Variants in ACSM1 observed in about 807,000 individuals in gnomAD.
The protein encoded by ACSM1 is acyl-coenzyme A synthetase ACSM1, mitochondrial.
Under a neutral mutation model 75.8 loss-of-function variants are expected in ACSM1, and 79 were observed. The ratio of observed to expected loss-of-function variants is 1.04; its 90% CI spans 0.87 to 1.26. The LOEUF is 1.26. Among genes scored for constraint, ACSM1 ranks in the 50% most tolerant of loss-of-function variants. The pLI, the probability that ACSM1 is intolerant of heterozygous loss-of-function variation, is 0.00. For missense variants in ACSM1, 676 were observed against 720.1 expected (o/e 0.94, Z 0.70); for synonymous variants, 279 against 265.8 (o/e 1.05, Z -0.48).
chr16:20,663,593 G>A (rs2019405752), intron 6 of ACSM1, among the ~76,000 whole-genome samples: 1 of 152,170 alleles, frequency 6.6e-6, no homozygotes, highest in Admixed American at 6.5e-5. Flanking sequence ...ATCTGGGAAG[G>A]GGGAATGTCG....
At chr16:20,689,092 A>G (rs915837985) in intron 2 of ACSM1, among the ~76,000 whole-genome samples, 1 of 150,700 alleles carries the variant, frequency 6.6e-6, no homozygotes, top group Non-Finnish European at 1.5e-5. Flanking sequence ...TGACATCAAT[A>G]ACATAAAGTG....
At position 20,691,253 on chromosome 16, in the gene ACSM1, G is replaced by T. The variant is rs900825084; in HGVS notation, c.-51-14C>A. On this transcript the variant is annotated splice_polypyrimidine_tract_variant and intron_variant, in intron 1 of 13. Coordinates refer to ENST00000520010, the MANE Select transcript of ACSM1 (RefSeq NM_001318890.3). ...GTCACCACCTGCCTTGGGAAGAGAT[G>T]GCTAATAGATTGGCTGTGTATCCAA... The T allele has an allele frequency of 7.4e-5, 100 of 1,357,540 alleles. No homozygotes were observed. The highest frequency in any genetic ancestry group is 9.8e-5 in the Non-Finnish European group (99 of 1,011,084). The allele number at this position is 1,357,540 out of a possible 1,614,324, so 84.1% of individuals were successfully genotyped here.
chr16:20,638,883 G>C (rs1303429672), intron 8 of ACSM1, among the ~76,000 whole-genome samples: 1 of 152,156 alleles, frequency 6.6e-6, no homozygotes, highest in Non-Finnish European at 1.5e-5. Context: ...TGGAGTCGTG[G>C]GTGGAGTGTG....
At chr16:20,628,921 G>A (rs371758769) in intron 10 of ACSM1, among the ~76,000 whole-genome samples, 1 of 152,082 alleles carries the variant, frequency 6.6e-6, no homozygotes, top group East Asian at 1.9e-4. Context: ...TGACCCCTAA[G>A]CAATAGCTCT....
rs373819953 is a variant in ACSM1, at chr16:20,625,541, T to C, written c.1428-19A>G. 7.3e-5 allele frequency: 117 copies of C among 1,608,896 alleles called. No homozygotes were observed. Among genetic ancestry groups the C allele is most frequent in the Non-Finnish European group, 9.6e-5 (113 of 1,176,450 alleles). On this transcript the variant is annotated intron_variant, in intron 11 of 13. Transcript: ENST00000520010. ...GCGATACCTGGAGGATGAAGGGTTC[T>C]GAGGCAGATGCCAGGGCTGGGGTGA...
At chr16:20,647,191 G>A (rs2018414387) in intron 7 of ACSM1, among the ~76,000 whole-genome samples, 1 of 152,190 alleles carries the variant, frequency 6.6e-6, no homozygotes, top group Admixed American at 6.5e-5. Flanking sequence ...TTTTGCAGGA[G>A]ATAAATGAAC....
At chr16:20,663,032 A>C (rs1271680817) in intron 6 of ACSM1, among the ~76,000 whole-genome samples, 1 of 152,112 alleles carries the variant, frequency 6.6e-6, no homozygotes, top group Admixed American at 6.6e-5. Context: ...GTCTTGGAAC[A>C]TGTCCTGGGT....
intron 1 of ACSM1, among the ~76,000 whole-genome samples, chr16:20,691,919 A>G (rs2079658163): frequency 6.6e-6 from 1 of 152,008 alleles, no homozygotes; most frequent in Non-Finnish European, 1.5e-5. Context: ...TACAGGCGAG[A>G]ATGAAACTGA....
intron 6 of ACSM1, among the ~76,000 whole-genome samples, chr16:20,669,351 C>G (rs946392486): frequency 6.6e-6 from 1 of 151,592 alleles, no homozygotes; most frequent in African/African-American, 2.4e-5. Context: ...TGGTATGTAA[C>G]CTGCTAGTTA....
chr16:20,671,374 C>T (rs1004499135), intron 5 of ACSM1, among the ~76,000 whole-genome samples, 157 bp downstream of exon 5: 13 of 151,678 alleles, frequency 8.6e-5, no homozygotes, highest in Non-Finnish European at 1.9e-4. Context: ...CCTGAGAGGT[C>T]TGAACAAAAG....
Position 20,623,544 on chromosome 16 carries a change from GT to G in ACSM1, c.1675del (p.Thr559ProfsTer23), listed in dbSNP as rs1316684476. 5 of 1,614,000 alleles carry G rather than the reference GT, an allele frequency of 3.1e-6. No individual in the cohort carries two copies. Among genetic ancestry groups the G allele is most frequent in the South Asian group, 1.1e-5 (1 of 91,080 alleles). On this transcript the variant is annotated frameshift_variant, in exon 14 of 14. Coordinates refer to ENST00000520010, the MANE Select transcript of ACSM1 (RefSeq NM_001318890.3). LOFTEE classifies it high-confidence loss of function. ...CTTCCGTTCAATCTTGCCAGTGATGGTTTTTGGCAGCTCTGAGACAAACTCC... is the reference window on the plus strand; with the variant it reads ...CTTCCGTTCAATCTTGCCAGTGATGGTTTTGGCAGCTCTGAGACAAACTCC... ...KVEFVSELPK[T>X]ITGKIERKEL...
rs966887744 is a variant in ACSM1 at position 20,652,360 on chromosome 16, G to T, written c.992+9434C>A. Among the ~76,000 whole-genome samples the T allele has an allele frequency of 4.0e-5, 6 of 151,654 alleles. No individual in the cohort carries two copies. The East Asian group carries it at 1.2e-3, about 29-fold the overall frequency. On this transcript the variant is annotated intron_variant, in intron 7 of 13. Transcript: ENST00000520010. Reference sequence around the variant, plus strand: ...TGTCTAATTAAAACCTTATTTAAGGGTTATATATGAAACAAGGGAAACCAG... The same window carrying T: ...TGTCTAATTAAAACCTTATTTAAGGTTTATATATGAAACAAGGGAAACCAG...
chr16:20,638,083 C>T (rs775077683), intron 8 of ACSM1, among the ~76,000 whole-genome samples: 104 of 152,186 alleles, frequency 6.8e-4, no homozygotes, highest in Non-Finnish European at 1.2e-3. Context: ...CTTGATTCCT[C>T]CTTTATTGTT....
chr16:20,696,615 T>A (rs1249540938), intron 1 of ACSM1, among the ~76,000 whole-genome samples: 4 of 152,358 alleles, frequency 2.6e-5, no homozygotes, highest in Non-Finnish European at 5.9e-5. Flanking sequence ...TTAGAGCATA[T>A]CATTAAAGCA....
intron 1 of ACSM1, among the ~76,000 whole-genome samples, chr16:20,695,136 G>C (rs770424408): frequency 2.6e-5 from 4 of 152,178 alleles, no homozygotes; most frequent in African/African-American, 9.7e-5. Flanking sequence ...CGTCACATGA[G>C]AGGGCCAAAC....
chr16:20,689,136 G>A (rs1018274793), intron 2 of ACSM1, among the ~76,000 whole-genome samples: 5 of 151,278 alleles, frequency 3.3e-5, no homozygotes, highest in Admixed American at 3.3e-4. Flanking sequence ...AACTGTAAAG[G>A]GGAAGGATTT....
chr16:20,640,260 C>G (rs528930159), intron 8 of ACSM1, among the ~76,000 whole-genome samples: 18 of 152,334 alleles, frequency 1.2e-4, no homozygotes, highest in Non-Finnish European at 1.9e-4. Flanking sequence ...AACAATTTGC[C>G]TCGTAACTAC....
At chr16:20,659,197 C>T (rs1003113197) in intron 7 of ACSM1, among the ~76,000 whole-genome samples, 1 of 152,118 alleles carries the variant, frequency 6.6e-6, no homozygotes, top group Admixed American at 6.5e-5. Context: ...GTCTTCCCCC[C>T]ATTATCCAAA....
intron 11 of ACSM1, among the ~76,000 whole-genome samples, chr16:20,625,811 C>T (rs1007000127): frequency 1.3e-5 from 2 of 152,204 alleles, no homozygotes; most frequent in Admixed American, 6.5e-5. Context: ...TCCCCCAACA[C>T]GAAATCTCTT....
Sources: gnomAD v4.1 joint callset for allele counts (sites outside exome capture counted in the v4.1 genomes callset) on GRCh38, gnomAD v4.1.1 for gene constraint, MANE v1.5 for transcripts, NCBI Gene and HGNC (gene_info 2026-07-23, HGNC 2026-07-21) for gene names.